The following PRCP variants were observed in gnomAD, a reference collection of about 807,000 sequenced individuals.
The protein encoded by PRCP is lysosomal Pro-X carboxypeptidase.
Under a neutral mutation model 54.2 loss-of-function variants are expected in PRCP, and 46 were observed. The observed-to-expected ratio is 0.85, with a 90% CI of 0.67 to 1.09. PRCP has a LOEUF of 1.09. Ranked by LOEUF, PRCP falls within the 50% of genes least tolerant of loss-of-function variation. The pLI is 0.00. For missense variants in PRCP, 613 were observed against 596.8 expected, an observed-to-expected ratio of 1.03 and a Z score of -0.28; for synonymous variants, 240 against 212.2, an observed-to-expected ratio of 1.13 and a Z score of -1.14.
intron 3 of PRCP, among the ~76,000 whole-genome samples, chr11:82,851,878 C>G (rs909528841): frequency 2.6e-5 from 4 of 152,112 alleles, no homozygotes; most frequent in Admixed American, 6.6e-5. Context: ...GCCTTCTTAC[C>G]TCCTCTCTCC....
rs1858142221 is a variant in PRCP at position 82,823,349 on chromosome 11, A to ATTCCCACCCAAATCGATTG, written c.*1538_*1556dup. On this transcript the variant is annotated 3_prime_UTR_variant, in exon 9 of 9. Coordinates refer to ENST00000313010, the MANE Select transcript of PRCP (RefSeq NM_005040.4). ...AAACTAGTATTGTTTTGGCCCTTAA[A>ATTCCCACCCAAATCGATTG]TTCCCACCCAAATCGATTGTTCTGT... 6.6e-6 allele frequency among the ~76,000 whole-genome samples: 1 copy of ATTCCCACCCAAATCGATTG among 152,196 alleles called. No individual in the cohort carries two copies.
chr11:82,880,568 C>T (rs1859723657), intron 1 of PRCP, among the ~76,000 whole-genome samples: 2 of 152,200 alleles, frequency 1.3e-5, no homozygotes, highest in Non-Finnish European at 2.9e-5. Context: ...CCCAGTACCT[C>T]AGTTGGAAAT....
intron 1 of PRCP, among the ~76,000 whole-genome samples, chr11:82,892,338 G>C (rs185666594): frequency 6.6e-6 from 1 of 152,072 alleles, no homozygotes; most frequent in African/African-American, 2.4e-5. Context: ...ATAATATTGA[G>C]CTCAGAGTAG....
rs1006911387 is a variant in PRCP, at chr11:82,849,259, G to A, written c.752-41C>T. On this transcript the variant is annotated intron_variant, in intron 5 of 8. Transcript: ENST00000313010. ...CACTGTTGGAATCTAAAAAGTACTG[G>A]TCAACAGATGTCTTTACAGATCATT... 3 of 1,593,346 alleles carry A rather than the reference G, an allele frequency of 1.9e-6. No homozygotes were observed. In the African/African-American group the frequency reaches 4.0e-5, roughly 21 times the overall value.
Position 82,849,211 on chromosome 11 carries a change from A to G in PRCP, c.759T>C (p.Gly253=). 1 of 1,613,958 alleles carries G rather than the reference A, an allele frequency of 6.2e-7. No individual in the cohort carries two copies. The highest frequency in any genetic ancestry group is 8.5e-7 in the Non-Finnish European group (1 of 1,179,878). The change falls in exon 6 of 9, where the codon GGT becomes GGC. Residue 253 remains glycine (G), a synonymous_variant. Coordinates refer to ENST00000313010, the MANE Select transcript of PRCP (RefSeq NM_005040.4). ...AINRLSNTGS[G]LQWLTGALHL... is the part of the protein sequence containing the mutation. ...GAAGGGCTCCAGTAAGCCACTGCAA[A>G]CCACTGCCTGGGAATAGAATCACAC...
At chr11:82,842,277 G>A (rs1026443788) in intron 6 of PRCP, among the ~76,000 whole-genome samples, 1 of 152,156 alleles carries the variant, frequency 6.6e-6, no homozygotes, top group African/African-American at 2.4e-5. Context: ...GACCGGCACT[G>A]GCTGACAATA....
intron 8 of PRCP, chr11:82,835,512 T>G: frequency 3.9e-6 from 1 of 256,550 alleles, no homozygotes; most frequent in Admixed American, 5.2e-5. Context: ...CACAGCCACG[T>G]CCGGGGATGA....
intron 1 of PRCP, among the ~76,000 whole-genome samples, chr11:82,895,057 G>A (rs1860087447): frequency 6.6e-6 from 1 of 152,122 alleles, no homozygotes; most frequent in South Asian, 2.1e-4. Flanking sequence ...AAAAAGTGAA[G>A]GGGTTAATTA....
chr11:82,857,275 A>C (rs1331206532), intron 2 of PRCP, among the ~76,000 whole-genome samples: 1 of 152,200 alleles, frequency 6.6e-6, no homozygotes, highest in African/African-American at 2.4e-5. Flanking sequence ...CACTGTTCTA[A>C]GCATTTCATA....
intron 1 of PRCP, among the ~76,000 whole-genome samples, chr11:82,867,791 T>C (rs1027676290): frequency 9.9e-5 from 15 of 152,150 alleles, no homozygotes; most frequent in African/African-American, 3.6e-4. Flanking sequence ...GGCCAGATCA[T>C]AGCTCACTGC....
At chr11:82,844,016 A>C (rs1858741162) in intron 6 of PRCP, among the ~76,000 whole-genome samples, 1 of 151,848 alleles carries the variant, frequency 6.6e-6, no homozygotes, top group Non-Finnish European at 1.5e-5. Flanking sequence ...AGCACTATGA[A>C]TATAGGTCTC....
In PRCP at chr11:82,853,216, G is replaced by A. The variant is rs767932627; in HGVS notation, c.372C>T (p.Tyr124=). The A allele has an allele frequency of 2.5e-6, 4 of 1,612,716 alleles. No homozygotes were observed. The highest frequency in any genetic ancestry group is 4.5e-5 in the East Asian group (2 of 44,838). ...KAMLVFAEHR[Y]YGESLPFGDN... ...CACCAAAGGGGAGAGACTCTCCATA[G>A]TATCGATGTTCAGCAAACACCAACA... is the stretch of plus-strand genomic sequence containing the variant. The change falls in exon 3 of 9, where the codon TAC becomes TAT. Residue 124 remains tyrosine (Y), a synonymous_variant. Coordinates refer to ENST00000313010, the MANE Select transcript of PRCP (RefSeq NM_005040.4).
At chr11:82,873,941 T>G (rs956453434) in intron 1 of PRCP, among the ~76,000 whole-genome samples, 26 of 152,220 alleles carry the variant, frequency 1.7e-4, no homozygotes, top group African/African-American at 5.8e-4. Flanking sequence ...AAACTCCAAC[T>G]CAAATTCGCA....
intron 1 of PRCP, among the ~76,000 whole-genome samples, chr11:82,890,093 T>C (rs1045922237): frequency 3.3e-5 from 5 of 152,184 alleles, no homozygotes; most frequent in Non-Finnish European, 5.9e-5. Context: ...TCCACAGCCA[T>C]ACCCAAGAAA....
At chr11:82,874,573 A>G (rs1049545926) in intron 1 of PRCP, among the ~76,000 whole-genome samples, 1 of 151,454 alleles carries the variant, frequency 6.6e-6, no homozygotes, top group Non-Finnish European at 1.5e-5. Flanking sequence ...CACCTGTAGT[A>G]CCAGCCACTC....
intron 1 of PRCP, among the ~76,000 whole-genome samples, chr11:82,880,780 C>A (rs939180793): frequency 6.6e-6 from 1 of 151,216 alleles, no homozygotes; most frequent in African/African-American, 2.4e-5. Flanking sequence ...TAAATAAAAG[C>A]CTAAAGAAAA....
rs1376608340 is a variant in PRCP, at chr11:82,838,543, G to A, written c.1118C>T (p.Thr373Ile). ...TTCAAACATGTCATCGACACCATTA[G>A]TACAAAAGGGCATGACTACTTCTGT... ...ACTEVVMPFC[T>I]NGVDDMFEPH... The change falls in exon 8 of 9, where the codon ACT becomes ATT. Residue 373 changes from threonine (T) to isoleucine (I), a missense_variant. Thr to Ile is a moderately conservative substitution (Grantham distance 89). Coordinates refer to ENST00000313010, the MANE Select transcript of PRCP (RefSeq NM_005040.4). 2.5e-6 allele frequency: 4 copies of A among 1,613,770 alleles called. No homozygotes were observed. Among genetic ancestry groups the A allele is most frequent in the Admixed American group, 1.7e-5 (1 of 59,964 alleles).
At chr11:82,878,113 T>C (rs1348992091) in intron 1 of PRCP, among the ~76,000 whole-genome samples, 1 of 152,210 alleles carries the variant, frequency 6.6e-6, no homozygotes, top group Non-Finnish European at 1.5e-5. Context: ...GCATGGGGCC[T>C]GTAACCCCTT....
At chr11:82,867,180 T>C (rs1170496660) in intron 1 of PRCP, among the ~76,000 whole-genome samples, 2 of 152,170 alleles carry the variant, frequency 1.3e-5, no homozygotes, top group African/African-American at 4.8e-5. Context: ...ATAAATTCAA[T>C]AATGGTATAA....
Sources: gnomAD v4.1 joint callset for allele counts (sites outside exome capture counted in the v4.1 genomes callset) on GRCh38, gnomAD v4.1.1 for gene constraint, MANE v1.5 for transcripts, NCBI Gene and HGNC (gene_info 2026-07-23, HGNC 2026-07-21) for gene names.